ABCA1: variants seen among roughly 807,000 people sequenced by gnomAD.
The protein encoded by ABCA1 is phospholipid-transporting ATPase ABCA1.
ABCA1 carries 133 observed loss-of-function variants against 262.5 expected under a neutral mutation model. The ratio of observed to expected loss-of-function variants is 0.51; its 90% CI spans 0.44 to 0.59. The LOEUF (loss-of-function observed/expected upper bound fraction) is 0.59. ABCA1 is among the 20% of genes least tolerant of loss of function. ABCA1 has a pLI of 0.00. For missense variants in ABCA1, 2,452 were observed against 2,777.5 expected, an observed-to-expected ratio of 0.88 and a Z score of 2.63; for synonymous variants, 1,022 against 1,043.5, an observed-to-expected ratio of 0.98 and a Z score of 0.40.
intron 1 of ABCA1, among the ~76,000 whole-genome samples, chr9:104,914,204 G>A (rs1005600569): frequency 2.0e-5 from 3 of 151,724 alleles, no homozygotes; most frequent in South Asian, 2.1e-4. Flanking sequence ...TTGGCCAGAC[G>A]CAGTGGCTCA....
At chr9:104,829,949 C>T (rs1833122466) in intron 14 of ABCA1, among the ~76,000 whole-genome samples, 3 of 91,250 alleles carry the variant, frequency 3.3e-5, no homozygotes, top group African/African-American at 2.1e-4. Flanking sequence ...TCCCTACACA[C>T]ACACACACAC....
chr9:104,860,419 T>C (rs1000949385), intron 6 of ABCA1, among the ~76,000 whole-genome samples: 1 of 152,192 alleles, frequency 6.6e-6, no homozygotes, highest in African/African-American at 2.4e-5. Context: ...TTTCCTAGTT[T>C]CAGAAGGGCA....
rs932820753 is a variant in ABCA1, at chr9:104,875,314, T to C, written c.421+7725A>G. 2.2e-4 allele frequency among the ~76,000 whole-genome samples: 31 copies of C among 143,608 alleles called. 1 individual carries two copies. The South Asian group carries it at 2.4e-3, about 11-fold the overall frequency. 94.2% of individuals were successfully genotyped at this position (143,608 alleles called of 152,430 possible). A position where few individuals can be genotyped will look rare whatever the true frequency, so the allele number is the denominator to read the frequency against. On this transcript the variant is annotated intron_variant, in intron 5 of 49. Transcript: ENST00000374736. ...GCCGAGATCACACCACTACACTCCA[T>C]GCACTCCATCCTGGGCAACAGAGTG...
intron 5 of ABCA1, among the ~76,000 whole-genome samples, chr9:104,878,141 C>T (rs930606621): frequency 3.3e-5 from 5 of 152,164 alleles, no homozygotes; most frequent in South Asian, 4.1e-4. Flanking sequence ...CCTAGGGTTT[C>T]TGAGGATTTA....
intron 7 of ABCA1, among the ~76,000 whole-genome samples, chr9:104,848,079 T>C (rs1037756134): frequency 6.6e-6 from 1 of 152,228 alleles, no homozygotes; most frequent in Admixed American, 6.5e-5. Context: ...TTAATGTATA[T>C]TCATTATGTA....
intron 2 of ABCA1, among the ~76,000 whole-genome samples, chr9:104,898,542 G>A (rs1038335860): frequency 1.4e-5 from 2 of 147,628 alleles, no homozygotes; most frequent in East Asian, 2.0e-4. Flanking sequence ...ACTAGACTCC[G>A]TCTTGAAAAA....
chr9:104,813,824 T>C (rs1831490651), intron 27 of ABCA1, among the ~76,000 whole-genome samples: 1 of 152,228 alleles, frequency 6.6e-6, no homozygotes, highest in Non-Finnish European at 1.5e-5. Context: ...ATTAAACACC[T>C]AATGTATACA....
intron 5 of ABCA1, among the ~76,000 whole-genome samples, chr9:104,881,474 CA>C (rs200260433): frequency 0.026 from 4,016 of 151,858 alleles, 96 homozygotes; most frequent in African/African-American, 0.057. Context: ...GTCACCACTC[CA>C]AAAAAAATCA....
In ABCA1 at chr9:104,869,817, G is replaced by T. The variant is rs374811808; in HGVS notation, c.422-8017C>A. 3.9e-4 allele frequency among the ~76,000 whole-genome samples: 59 copies of T among 152,248 alleles called. 1 individual carries two copies. In the South Asian group the frequency reaches 0.011, roughly 29 times the overall value. On this transcript the variant is annotated intron_variant, in intron 5 of 49. Transcript: ENST00000374736. ...ACCAAGACATACCTGAAAAAACTCA[G>T]TTCCAGAATTTTCCAGTTATGTGGC...
intron 5 of ABCA1, among the ~76,000 whole-genome samples, chr9:104,866,495 T>C (rs1254129720): frequency 1.3e-5 from 2 of 151,898 alleles, no homozygotes; most frequent in African/African-American, 4.8e-5. Context: ...CTTTTTTTTT[T>C]TTTAATACAG....
intron 2 of ABCA1, among the ~76,000 whole-genome samples, chr9:104,896,394 C>G (rs1840199378): frequency 6.6e-6 from 1 of 152,146 alleles, no homozygotes; most frequent in African/African-American, 2.4e-5. Context: ...TTAAGGAGAG[C>G]TAAACTCTGC....
intron 19 of ABCA1, among the ~76,000 whole-genome samples, chr9:104,822,168 G>A (rs562899301): frequency 1.3e-5 from 2 of 152,174 alleles, no homozygotes; most frequent in Non-Finnish European, 2.9e-5. Context: ...TCTGCTTAGA[G>A]ACAGAGTTCC....
intron 5 of ABCA1, among the ~76,000 whole-genome samples, chr9:104,863,232 G>T (rs555567675): frequency 1.3e-5 from 2 of 152,258 alleles, no homozygotes; most frequent in South Asian, 4.1e-4. Context: ...TTTCTGACCA[G>T]ATGCTTGGTA....
Position 104,831,032 on chromosome 9 carries a change from G to A in ABCA1, c.1785C>T (p.Tyr595=). The change falls in exon 14 of 50, where the codon TAC becomes TAT. Residue 595 remains tyrosine (Y), a synonymous_variant. Transcript: ENST00000374736. ...TTGCCTGCTCCACCACATCCTGCAA[G>A]TAGGCGAAGCCCCCCCAGACGTACC... is the stretch of plus-strand genomic sequence containing the variant. ...DMRYVWGGFA[Y]LQDVVEQAII... The A allele has an allele frequency of 1.9e-6, 3 of 1,613,500 alleles. No homozygotes were observed. The highest frequency in any genetic ancestry group is 2.2e-5 in the South Asian group (2 of 91,052).
At chr9:104,897,088 T>C (rs1487738695) in intron 2 of ABCA1, among the ~76,000 whole-genome samples, 1 of 152,142 alleles carries the variant, frequency 6.6e-6, no homozygotes, top group Non-Finnish European at 1.5e-5. Flanking sequence ...AAGTGATTAT[T>C]TATTAAATAA....
At chr9:104,805,570 C>T (rs1433188016) in intron 31 of ABCA1, among the ~76,000 whole-genome samples, 3 of 152,114 alleles carry the variant, frequency 2.0e-5, no homozygotes, top group African/African-American at 7.2e-5. Context: ...TCTAAGAATA[C>T]CAGAGTTGAC....
chr9:104,910,708 CTTTA>C (rs1325835677), intron 1 of ABCA1, among the ~76,000 whole-genome samples: 1 of 152,020 alleles, frequency 6.6e-6, no homozygotes, highest in Non-Finnish European at 1.5e-5. Flanking sequence ...TTTTTTATTA[CTTTA>C]TTTTATTTTT....
At chr9:104,888,396 G>A (rs905031351) in intron 3 of ABCA1, among the ~76,000 whole-genome samples, 1 of 152,136 alleles carries the variant, frequency 6.6e-6, no homozygotes, top group African/African-American at 2.4e-5. Flanking sequence ...ACTGAGCCCA[G>A]CCCTAAGAGA....
chr9:104,888,073 G>GTGTGTGTA (rs1564252400), intron 3 of ABCA1, among the ~76,000 whole-genome samples: 97 of 151,740 alleles, frequency 6.4e-4, no homozygotes, highest in African/African-American at 2.2e-3. Context: ...GTGTGTGTGT[G>GTGTGTGTA]TGTGTGTGTG....
Sources: gnomAD v4.1 joint callset for allele counts (sites outside exome capture counted in the v4.1 genomes callset) on GRCh38, gnomAD v4.1.1 for gene constraint, MANE v1.5 for transcripts, NCBI Gene and HGNC (gene_info 2026-07-23, HGNC 2026-07-21) for gene names.